The following DYNC1I1 variants were observed in gnomAD, a reference collection of about 807,000 sequenced individuals.
DYNC1I1 encodes the protein dynein cytoplasmic 1 intermediate chain 1.
DYNC1I1 carries 43 observed loss-of-function variants against 86.6 expected under a neutral mutation model. The observed-to-expected ratio is 0.50, with a 90% CI of 0.39 to 0.64. The LOEUF is 0.64. Among genes scored for constraint, DYNC1I1 ranks in the 30% least tolerant of loss-of-function variants. The pLI is 0.00. For missense variants in DYNC1I1, 604 were observed against 788.8 expected (o/e 0.77, Z 2.81); for synonymous variants, 262 against 283.7 (o/e 0.92, Z 0.77).
intron 10 of DYNC1I1, among the ~76,000 whole-genome samples, chr7:96,019,992 C>A (rs142701123): frequency 1.3e-5 from 2 of 151,446 alleles, no homozygotes; most frequent in African/African-American, 4.9e-5. Flanking sequence ...AAAGAAAATG[C>A]CTGTTCCATA....
intron 6 of DYNC1I1, among the ~76,000 whole-genome samples, chr7:95,955,279 A>AT (rs1792680114): frequency 6.6e-6 from 1 of 152,128 alleles, no homozygotes; most frequent in Non-Finnish European, 1.5e-5. Flanking sequence ...TTAAAAAATA[A>AT]TTTTTAAAAC....
At chr7:96,023,840 T>C (rs889838586) in intron 10 of DYNC1I1, among the ~76,000 whole-genome samples, 1 of 152,198 alleles carries the variant, frequency 6.6e-6, no homozygotes, top group Non-Finnish European at 1.5e-5. Context: ...GCCTCTGGGC[T>C]AAGGCATCTG....
chr7:96,090,235 TTTG>T (rs781614273), intron 16 of DYNC1I1, among the ~76,000 whole-genome samples: 51 of 151,976 alleles, frequency 3.4e-4, no homozygotes, highest in African/African-American at 8.7e-4. Flanking sequence ...TCTTCGGATA[TTTG>T]TTGTTGTTGT....
intron 16 of DYNC1I1, among the ~76,000 whole-genome samples, chr7:96,084,473 G>A (rs942967803): frequency 1.5e-5 from 1 of 64,622 alleles, no homozygotes; most frequent in Non-Finnish European, 3.0e-5. Context: ...ACGGAGTTTT[G>A]CTCTTGCCCA....
At chr7:95,835,765 G>A (rs1466728540) in intron 5 of DYNC1I1, among the ~76,000 whole-genome samples, 3 of 151,746 alleles carry the variant, frequency 2.0e-5, no homozygotes, top group Admixed American at 6.6e-5. Flanking sequence ...TTGGTTTAAA[G>A]TCTGTTTTAT....
intron 6 of DYNC1I1, among the ~76,000 whole-genome samples, chr7:95,902,778 C>T (rs745873686): frequency 1.3e-5 from 2 of 152,124 alleles, no homozygotes; most frequent in Non-Finnish European, 2.9e-5. Flanking sequence ...TTCCCCCCAG[C>T]GTAGGGAGTT....
intron 6 of DYNC1I1, among the ~76,000 whole-genome samples, chr7:95,961,041 C>T (rs1240016589): frequency 6.6e-6 from 1 of 152,160 alleles, no homozygotes; most frequent in Non-Finnish European, 1.5e-5. Context: ...TGATGTCATG[C>T]AAACAGAAAA....
chr7:95,881,930 A>G (rs1790464830), intron 6 of DYNC1I1, among the ~76,000 whole-genome samples: 1 of 152,244 alleles, frequency 6.6e-6, no homozygotes, highest in Non-Finnish European at 1.5e-5. Flanking sequence ...TTTACTGTTC[A>G]CAGGGGTGGG....
At chr7:95,936,678 A>T (rs1792048861) in intron 6 of DYNC1I1, among the ~76,000 whole-genome samples, 1 of 152,014 alleles carries the variant, frequency 6.6e-6, no homozygotes, top group Admixed American at 6.6e-5. Context: ...GAAAAAGCAG[A>T]GGACAATAGT....
At chr7:95,951,940 T>G (rs1276970765) in intron 6 of DYNC1I1, among the ~76,000 whole-genome samples, 1 of 152,166 alleles carries the variant, frequency 6.6e-6, no homozygotes, top group African/African-American at 2.4e-5. Context: ...CCTTTTAATC[T>G]CTATCGGAAT....
At chr7:96,002,516 T>TAATA (rs1248414000) in intron 10 of DYNC1I1, among the ~76,000 whole-genome samples, 1 of 152,198 alleles carries the variant, frequency 6.6e-6, no homozygotes, top group African/African-American at 2.4e-5. Context: ...TATGAAACTA[T>TAATA]AATAAATAAA....
intron 9 of DYNC1I1, among the ~76,000 whole-genome samples, chr7:95,990,323 A>G (rs1233208311): frequency 6.6e-6 from 1 of 152,178 alleles, no homozygotes; most frequent in Non-Finnish European, 1.5e-5. Flanking sequence ...CTCCTCTCAC[A>G]TGTACATTGC....
intron 5 of DYNC1I1, among the ~76,000 whole-genome samples, chr7:95,848,278 C>G (rs1483193992): frequency 1.4e-5 from 2 of 145,234 alleles, no homozygotes; most frequent in African/African-American, 5.0e-5. Context: ...TCAGAAACAT[C>G]TGTATACTGT....
At chr7:95,876,951 GAAAA>G (rs1267739417) in intron 6 of DYNC1I1, among the ~76,000 whole-genome samples, 2 of 151,918 alleles carry the variant, frequency 1.3e-5, no homozygotes, top group African/African-American at 4.8e-5. Context: ...GTAAAAAAAA[GAAAA>G]AAAGAAAAAC....
At chr7:95,938,480 T>C (rs1792109985) in intron 6 of DYNC1I1, among the ~76,000 whole-genome samples, 1 of 152,186 alleles carries the variant, frequency 6.6e-6, no homozygotes, top group African/African-American at 2.4e-5. Flanking sequence ...TAATCACATA[T>C]GGCATTTTAT....
At chr7:95,914,835 C>T (rs1791427142) in intron 6 of DYNC1I1, among the ~76,000 whole-genome samples, 1 of 152,188 alleles carries the variant, frequency 6.6e-6, no homozygotes, top group South Asian at 2.1e-4. Flanking sequence ...GTCTCGTGGC[C>T]TTTTCCTCCA....
intron 4 of DYNC1I1, among the ~76,000 whole-genome samples, chr7:95,819,473 G>C (rs1475040193): frequency 6.6e-6 from 1 of 151,988 alleles, no homozygotes; most frequent in African/African-American, 2.4e-5. Flanking sequence ...AGGATTCTTT[G>C]GAACTATGTA....
At chr7:96,050,850 TA>T (rs1485659814) in intron 14 of DYNC1I1, among the ~76,000 whole-genome samples, 2 of 152,252 alleles carry the variant, frequency 1.3e-5, no homozygotes, top group South Asian at 2.1e-4. Context: ...TAGAGGATAG[TA>T]AAAAAACTAC....
At chr7:96,043,634 G>C (rs1193429805) in intron 14 of DYNC1I1, among the ~76,000 whole-genome samples, 1 of 151,918 alleles carries the variant, frequency 6.6e-6, no homozygotes, top group Non-Finnish European at 1.5e-5. Context: ...AAGCAACCAG[G>C]TGAAAAACTT....
Sources: allele counts gnomAD v4.1 joint callset (sites outside exome capture counted in the v4.1 genomes callset), GRCh38; gene constraint gnomAD v4.1.1; transcripts MANE v1.5; gene names NCBI Gene and HGNC (gene_info 2026-07-23, HGNC 2026-07-21).